PCDHGB6: variants seen among roughly 807,000 people sequenced by gnomAD.
PCDHGB6 encodes protocadherin gamma subfamily B, 6, also known as protocadherin gamma-B6.
Under a neutral mutation model 59.1 loss-of-function variants are expected in PCDHGB6, and 51 were observed. The observed-to-expected ratio is 0.86, with a 90% CI of 0.69 to 1.09. The LOEUF is 1.09. PCDHGB6 is among the 50% of genes least tolerant of loss of function. PCDHGB6 has a pLI of 0.00. For missense variants in PCDHGB6, 1,148 were observed against 1,205.1 expected, an observed-to-expected ratio of 0.95 and a Z score of 0.70; for synonymous variants, 466 against 495.1, an observed-to-expected ratio of 0.94 and a Z score of 0.78.
At chr5:141,460,924 A>ATATG (rs1561985817) in intron 1 of PCDHGB6, among the ~76,000 whole-genome samples, 10 of 150,588 alleles carry the variant, frequency 6.6e-5, no homozygotes, top group East Asian at 3.9e-4. Flanking sequence ...ATATATATAT[A>ATATG]TGTGTGTGTG....
At chr5:141,423,977 G>A in intron 1 of PCDHGB6, 4 of 1,121,548 alleles carry the variant, frequency 3.6e-6, no homozygotes, top group Non-Finnish European at 4.4e-6. Context: ...ATCAGTGTAT[G>A]AGGCTCTCAA....
Position 141,410,135 on chromosome 5 carries a change from G to T in PCDHGB6, c.1933G>T (p.Ala645Ser). The change falls in exon 1 of 4, where the codon GCT (alanine) becomes TCT (serine). Residue 645 changes from alanine to serine, a missense_variant. Coordinates refer to ENST00000520790, the MANE Select transcript of PCDHGB6 (RefSeq NM_018926.3). ...CGCAGCCCGCCAGCGCCTGCTGGTC[G>T]CTGTGCGTGACGGTGGACAGCCGCC... ...RDAARQRLLV[A>S]VRDGGQPPLS... 6.2e-7 allele frequency: 1 copy of T among 1,612,626 alleles called. No individual in the cohort carries two copies. Among genetic ancestry groups the T allele is most frequent in the Non-Finnish European group, 8.5e-7 (1 of 1,179,614 alleles).
chr5:141,511,695 C>T lies in PCDHGB6; in HGVS notation c.*522C>T, dbSNP rs1009832192. 1 of 195,662 alleles carries T rather than the reference C, an allele frequency of 5.1e-6. No individual in the cohort carries two copies. Among genetic ancestry groups the T allele is most frequent in the Non-Finnish European group, 1.1e-5 (1 of 92,626 alleles). The allele number at this position is 195,662 out of a possible 1,614,324, so 12.1% of individuals were successfully genotyped here. On this transcript the variant is annotated 3_prime_UTR_variant, in exon 4 of 4. Coordinates refer to ENST00000520790, the MANE Select transcript of PCDHGB6 (RefSeq NM_018926.3). ...CTTCCCCCAAAGCATGGTTTGGTGC[C>T]AGCCCCTTCACCTCCTTCCAGAGCC...
At chr5:141,444,672 A>G (rs990955921) in intron 1 of PCDHGB6, among the ~76,000 whole-genome samples, 2 of 152,086 alleles carry the variant, frequency 1.3e-5, no homozygotes, top group Non-Finnish European at 2.9e-5. Flanking sequence ...ATTTTTTTCA[A>G]TACCATTTAT....
Position 141,475,063 on chromosome 5 carries a change from C to T in PCDHGB6, c.2419-19744C>T, listed in dbSNP as rs552623067. Among the ~76,000 whole-genome samples the T allele has an allele frequency of 1.1e-4, 16 of 152,320 alleles. No individual in the cohort carries two copies. The South Asian group carries it at 2.9e-3, about 28-fold the overall frequency. The stretch of plus-strand genomic sequence containing the variant: ...TTGTATTTTCTAAAGATTTGTGGAG[C>T]TTTGCTGCCATTATTTCAATAATTT... On this transcript the variant is annotated intron_variant, in intron 1 of 3. Coordinates refer to ENST00000520790, the MANE Select transcript of PCDHGB6 (RefSeq NM_018926.3).
At chr5:141,433,358 C>CCTAA (rs1554125965) in intron 1 of PCDHGB6, 1 of 503,368 alleles carries the variant, frequency 2.0e-6, no homozygotes, top group Non-Finnish European at 3.5e-6. Flanking sequence ...CTACTGTCTG[C>CCTAA]CTATCTATCT....
chr5:141,461,813 C>T (rs2099023751), intron 1 of PCDHGB6, among the ~76,000 whole-genome samples: 1 of 151,846 alleles, frequency 6.6e-6, no homozygotes, highest in African/African-American at 2.4e-5. Flanking sequence ...ACCACCACAC[C>T]CAGCTAATTT....
intron 1 of PCDHGB6, among the ~76,000 whole-genome samples, chr5:141,439,599 G>A (rs1319524199): frequency 6.6e-6 from 1 of 152,146 alleles, no homozygotes; most frequent in Non-Finnish European, 1.5e-5. Flanking sequence ...TGGCCAGTCT[G>A]GAAACAGAGA....
At chr5:141,421,675 G>A in intron 1 of PCDHGB6, 2 of 1,613,910 alleles carry the variant, frequency 1.2e-6, no homozygotes, top group Non-Finnish European at 1.7e-6. Context: ...CGCAATTCCT[G>A]GGGCGCGATT....
rs1248983040 is a variant in PCDHGB6, at chr5:141,476,937, G to T, written c.2419-17870G>T. 3.1e-6 allele frequency: 5 copies of T among 1,614,186 alleles called. No homozygotes were observed. Among genetic ancestry groups the T allele is most frequent in the Non-Finnish European group, 4.2e-6 (5 of 1,180,050 alleles). The stretch of plus-strand genomic sequence containing the variant: ...GTCCTTGCAACGGATCTGGATGAAG[G>T]CCCCAACGGTGAAATTATTTACTCC... On this transcript the variant is annotated intron_variant, in intron 1 of 3. Coordinates refer to ENST00000520790, the MANE Select transcript of PCDHGB6 (RefSeq NM_018926.3). This position sits in a 1 kb window ranked among gnomAD's most constrained non-coding sequence, Gnocchi z 7.6.
chr5:141,410,157 C>T lies in PCDHGB6; in HGVS notation c.1955C>T (p.Pro652Leu). ...LLVAVRDGGQ[P>L]PLSATATLHL... is the part of the protein sequence containing the mutation. Reference sequence around the variant, plus strand: ...GTCGCTGTGCGTGACGGTGGACAGCCGCCACTCTCTGCCACCGCCACGCTT... The same window carrying T: ...GTCGCTGTGCGTGACGGTGGACAGCTGCCACTCTCTGCCACCGCCACGCTT... Residue 652 changes from proline (P) to leucine (L), a missense_variant, in exon 1 of 4, where the codon CCG becomes CTG. Physicochemically the swap from Pro to Leu is moderately conservative, Grantham distance 98 (BLOSUM62 -3). Around this residue, in one of 5 missense-constraint regions of PCDHGB6, gnomAD observed 549 missense variants for 527.5 expected, o/e 1.04. Coordinates refer to ENST00000520790, the MANE Select transcript of PCDHGB6 (RefSeq NM_018926.3). The T allele has an allele frequency of 6.2e-7, 1 of 1,613,546 alleles. No homozygotes were observed. The highest frequency in any genetic ancestry group is 8.5e-7 in the Non-Finnish European group (1 of 1,179,790).
At position 141,413,736 on chromosome 5, in the gene PCDHGB6, G is replaced by A. The variant is rs189162146; in HGVS notation, c.2418+3116G>A. The A allele has an allele frequency of 1.9e-4, 309 of 1,613,452 alleles. No individual in the cohort carries two copies. In the African/African-American group the frequency reaches 3.0e-3, roughly 16 times the overall value. On this transcript the variant is annotated intron_variant, in intron 1 of 3. Coordinates refer to ENST00000520790, the MANE Select transcript of PCDHGB6 (RefSeq NM_018926.3). Reference sequence around the variant, plus strand: ...ATAAGCACTTCTCCCTAAGAGTTCAGAGCCGTGCCAATGGCGTCAAGTACC... The same window carrying A: ...ATAAGCACTTCTCCCTAAGAGTTCAAAGCCGTGCCAATGGCGTCAAGTACC...
intron 2 of PCDHGB6, among the ~76,000 whole-genome samples, chr5:141,498,421 A>C (rs1328848787): frequency 6.6e-6 from 1 of 152,016 alleles, no homozygotes; most frequent in Non-Finnish European, 1.5e-5. Flanking sequence ...CTGGCACTGG[A>C]GTGAGGGGAT....
rs537684458 is a variant in PCDHGB6, at chr5:141,431,679, T to G, written c.2418+21059T>G. The G allele has an allele frequency of 1.5e-5, 24 of 1,614,222 alleles. No individual in the cohort carries two copies. The highest frequency in any genetic ancestry group is 3.3e-5 in the Admixed American group (2 of 60,028). On this transcript the variant is annotated intron_variant, in intron 1 of 3. Coordinates refer to ENST00000520790, the MANE Select transcript of PCDHGB6 (RefSeq NM_018926.3). The surrounding 1 kb of genome is among the most constrained non-coding windows in gnomAD (Gnocchi z 4.8). ...GGGACAATATCAACAATAGGGGAGT[T>G]GGACCACGAGGAGTCAGGATTCTAC...
Position 141,511,349 on chromosome 5 carries a change from C to T in PCDHGB6, c.*176C>T, listed in dbSNP as rs1463242262. The T allele has an allele frequency of 2.1e-6, 3 of 1,401,380 alleles. No homozygotes were observed. The highest frequency in any genetic ancestry group is 2.9e-5 in the African/African-American group (2 of 68,826). 86.8% of individuals were successfully genotyped at this position (1,401,380 alleles called of 1,614,324 possible). The stretch of plus-strand genomic sequence containing the variant: ...GCCCAGTCAGCACCTACCCCTTCCC[C>T]CCCAGGGGGTTGAATATGCAAAAGC... On this transcript the variant is annotated 3_prime_UTR_variant, in exon 4 of 4. Transcript: ENST00000520790.
intron 1 of PCDHGB6, among the ~76,000 whole-genome samples, chr5:141,433,995 CT>C (rs2097669147): frequency 2.6e-5 from 4 of 152,028 alleles, no homozygotes; most frequent in Admixed American, 2.0e-4. Flanking sequence ...GTTTTATATT[CT>C]CTATATATGT....
Position 141,505,488 on chromosome 5 carries a change from G to A in PCDHGB6, c.2566+7G>A. On this transcript the variant is annotated splice_region_variant and intron_variant, in intron 3 of 3. Transcript: ENST00000520790. Reference sequence around the variant, plus strand: ...ATCTTGGCGTCCGCCAGTGGTAAGTGGTGTCAGTGTGTGTATGGAAGAGTG... The same window carrying A: ...ATCTTGGCGTCCGCCAGTGGTAAGTAGTGTCAGTGTGTGTATGGAAGAGTG... The A allele has an allele frequency of 6.2e-7, 1 of 1,614,222 alleles. No individual in the cohort carries two copies. The highest frequency in any genetic ancestry group is 8.5e-7 in the Non-Finnish European group (1 of 1,180,018).
At chr5:141,462,100 G>T (rs1202526885) in intron 1 of PCDHGB6, among the ~76,000 whole-genome samples, 1 of 152,164 alleles carries the variant, frequency 6.6e-6, no homozygotes, top group Non-Finnish European at 1.5e-5. Flanking sequence ...TGGGATTACA[G>T]GCATGAGCCA....
intron 1 of PCDHGB6, among the ~76,000 whole-genome samples, chr5:141,454,703 A>C (rs933041937): frequency 1.3e-5 from 2 of 150,198 alleles, no homozygotes; most frequent in African/African-American, 4.9e-5. Flanking sequence ...ACCATGCTCC[A>C]CCTGCTTATT....
Sources: allele counts gnomAD v4.1 joint callset (sites outside exome capture counted in the v4.1 genomes callset), GRCh38; gene constraint gnomAD v4.1.1; regional missense constraint gnomAD v4.1.1; non-coding constraint Gnocchi (gnomAD v3.1); transcripts MANE v1.5; gene names NCBI Gene and HGNC (gene_info 2026-07-23, HGNC 2026-07-21).